NKPD1: variants seen among roughly 807,000 people sequenced by gnomAD.
The protein encoded by NKPD1 is NTPase KAP family P-loop domain containing 1.
In NKPD1, 37 loss-of-function variants were observed where a neutral mutation model predicts 42.2. The ratio of observed to expected loss-of-function variants is 0.88; its 90% CI spans 0.67 to 1.15. The LOEUF (loss-of-function observed/expected upper bound fraction) is 1.15. Among genes scored for constraint, NKPD1 ranks in the 50% most tolerant of loss-of-function variants. NKPD1 has a pLI of 0.00. For synonymous variants in NKPD1, 552 were observed against 536.5 expected, an observed-to-expected ratio of 1.03 and a Z score of -0.40; for missense variants, 1,113 against 1,174.6, an observed-to-expected ratio of 0.95 and a Z score of 0.77.
intron 3 of NKPD1, among the ~76,000 whole-genome samples, chr19:45,157,601 A>T (rs1968927301): frequency 6.6e-6 from 1 of 151,882 alleles, no homozygotes; most frequent in Admixed American, 6.6e-5. Context: ...TCTTTTGTAG[A>T]TACAGGGCAT....
chr19:45,152,170 A>G lies in NKPD1; in HGVS notation c.2267T>C (p.Leu756Pro). The G allele has an allele frequency of 1.3e-6, 2 of 1,596,332 alleles. No individual in the cohort carries two copies. The highest frequency in any genetic ancestry group is 1.7e-6 in the Non-Finnish European group (2 of 1,173,056). Residue 756 changes from leucine to proline, a missense_variant, in exon 5 of 5, where the codon CTC (leucine) becomes CCC (proline). This residue lies in a region of NKPD1 where 867 missense variants were observed against 870.1 expected (regional missense o/e 1.00). Transcript: ENST00000686631. Reference protein sequence around the residue: ...LDHSIRRRMGLIRAVSALKPP... With the variant: ...LDHSIRRRMGPIRAVSALKPP... The stretch of plus-strand genomic sequence containing the variant: ...CTTGAGCGCGCTGACGGCTCGGATG[A>G]GACCCATGCGCCGGCGGATGGAGTG...
At chr19:45,159,170 C>A in intron 2 of NKPD1, 70 bp from the exon 3 acceptor site, 2 of 1,223,556 alleles carry the variant, frequency 1.6e-6, no homozygotes, top group African/African-American at 1.6e-5. Context: ...ACAAGCCAGA[C>A]CAAGTCTTCA....
At chr19:45,157,279 G>T (rs1968920783) in intron 3 of NKPD1, among the ~76,000 whole-genome samples, 1 of 152,222 alleles carries the variant, frequency 6.6e-6, no homozygotes, top group South Asian at 2.1e-4. Context: ...GCTGGCCCGG[G>T]AACATGCCTC....
chr19:45,159,886 G>T (rs1371803535), intron 2 of NKPD1, among the ~76,000 whole-genome samples, 174 bp downstream of exon 2: 4 of 152,238 alleles, frequency 2.6e-5, no homozygotes, highest in Non-Finnish European at 4.4e-5. Context: ...GGGCCCGCAG[G>T]CCCTGTGGTC....
chr19:45,156,121 G>A (rs1431623367), intron 3 of NKPD1, among the ~76,000 whole-genome samples: 1 of 152,174 alleles, frequency 6.6e-6, no homozygotes, highest in African/African-American at 2.4e-5. Flanking sequence ...GTCCCACCAG[G>A]CTGAGGCTGG....
At chr19:45,159,968 G>A in intron 2 of NKPD1, 92 bp downstream of exon 2, 1 of 681,910 alleles carries the variant, frequency 1.5e-6, no homozygotes, top group Non-Finnish European at 2.2e-6. Flanking sequence ...TTTCTCTCCT[G>A]GGGATGACAG....
At chr19:45,160,766 TGTACCGC>T (rs1968990201) in intron 1 of NKPD1, among the ~76,000 whole-genome samples, 152 bp downstream of exon 1, 1 of 151,696 alleles carries the variant, frequency 6.6e-6, no homozygotes, top group Non-Finnish European at 1.5e-5. Context: ...GCAAGATGGG[TGTACCGC>T]GTTTCCAATG....
rs772274351 is a variant in NKPD1 at position 45,152,656 on chromosome 19, G to A, written c.1781C>T (p.Ala594Val). 1 of 1,547,532 alleles carries A rather than the reference G, an allele frequency of 6.5e-7. No homozygotes were observed. Among genetic ancestry groups the A allele is most frequent in the Non-Finnish European group, 8.7e-7 (1 of 1,155,292 alleles). Residue 594 changes from alanine to valine, a missense_variant, in exon 5 of 5, where the codon GCG (alanine) becomes GTG (valine). By Grantham distance (64) the Ala-to-Val change is moderately conservative. Around this residue, in one of 3 missense-constraint regions of NKPD1, gnomAD observed 867 missense variants for 870.1 expected, o/e 1.00. Transcript: ENST00000686631. ...GAAGAGCGCCTCCTGGATTCGCCGC[G>A]CCGCCTCGTCGTCGATGCGGCCCTG... Reference protein sequence around the residue: ...RGQGRIDDEAARRIQEALFCL... With the variant: ...RGQGRIDDEAVRRIQEALFCL...
Position 45,152,590 on chromosome 19 carries a change from G to A in NKPD1, c.1847C>T (p.Pro616Leu). The change falls in exon 5 of 5, where the codon CCC (proline) becomes CTC (leucine). Residue 616 changes from proline to leucine, a missense_variant. Physicochemically the swap from Pro to Leu is moderately conservative, Grantham distance 98 (BLOSUM62 -3). This residue lies in a region of NKPD1 where 867 missense variants were observed against 870.1 expected (regional missense o/e 1.00). Coordinates refer to ENST00000686631, the MANE Select transcript of NKPD1 (RefSeq NM_198478.4). ...DERDCLYEYV[P>L]DNVVSMRRIV... ...GCGCCGCATGGACACCACGTTGTCGGGCACGTACTCGTAGAGGCAGTCGCG... is the reference window on the plus strand; with the variant it reads ...GCGCCGCATGGACACCACGTTGTCGAGCACGTACTCGTAGAGGCAGTCGCG... 3.8e-6 allele frequency: 6 copies of A among 1,585,836 alleles called. No homozygotes were observed. The highest frequency in any genetic ancestry group is 4.3e-6 in the Non-Finnish European group (5 of 1,175,308).
At chr19:45,156,528 A>G (rs1003432154) in intron 3 of NKPD1, among the ~76,000 whole-genome samples, 12 of 152,194 alleles carry the variant, frequency 7.9e-5, no homozygotes, top group African/African-American at 2.9e-4. Flanking sequence ...TGAGAGGCTC[A>G]TTTCCCTCTG....
intron 4 of NKPD1, among the ~76,000 whole-genome samples, chr19:45,155,308 T>C (rs778122149): frequency 1.3e-5 from 2 of 151,340 alleles, no homozygotes; most frequent in Non-Finnish European, 2.9e-5. Flanking sequence ...CAGAGCAAGA[T>C]TCCGTCTCAA....
Position 45,158,975 on chromosome 19 carries a change from G to A in NKPD1, c.217C>T (p.Arg73Trp), listed in dbSNP as rs1358231793. The part of the protein sequence containing the change: ...SHQVGGSGWR[R>W]GLLPSVLQQQ... ...TGCAGGACGGAGGGCAGGAGGCCCC[G>A]GCGCCAGCCACTGCCACCCACTTGG... Residue 73 changes from arginine to tryptophan, a missense_variant, in exon 3 of 5, where the codon CGG becomes TGG. By Grantham distance (101) the Arg-to-Trp change is moderately radical (BLOSUM62 -3). Coordinates refer to ENST00000686631, the MANE Select transcript of NKPD1 (RefSeq NM_198478.4). The surrounding 1 kb of genome is among the most constrained non-coding windows in gnomAD (Gnocchi z 4.6). The A allele has an allele frequency of 1.8e-5, 23 of 1,300,472 alleles. No homozygotes were observed. The highest frequency in any genetic ancestry group is 2.4e-4 in the Middle Eastern group (1 of 4,216). The allele number at this position is 1,300,472 out of a possible 1,614,324, so 80.6% of individuals were successfully genotyped here.
Position 45,153,024 on chromosome 19 carries a change from G to A in NKPD1, c.1413C>T (p.Gly471=), listed in dbSNP as rs778834649. The A allele has an allele frequency of 2.5e-6, 4 of 1,584,070 alleles. No individual in the cohort carries two copies. Among genetic ancestry groups the A allele is most frequent in the Non-Finnish European group, 3.4e-6 (4 of 1,164,426 alleles). Residue 471 remains glycine (G), a synonymous_variant, in exon 5 of 5, where the codon GGC becomes GGT. Coordinates refer to ENST00000686631, the MANE Select transcript of NKPD1 (RefSeq NM_198478.4). Reference sequence around the variant, plus strand: ...GCAGCGTGTTGATGGCGTTGAGCACGCCCACCACGCGCTCCGGGTAGCACG... The same window carrying A: ...GCAGCGTGTTGATGGCGTTGAGCACACCCACCACGCGCTCCGGGTAGCACG... ...LDTCYPERVV[G]VLNAINTLLS...
rs1264790425 is a variant in NKPD1, at chr19:45,155,899, C to A, written c.547G>T (p.Asp183Tyr). The A allele has an allele frequency of 7.7e-7, 1 of 1,305,024 alleles. No homozygotes were observed. The highest frequency in any genetic ancestry group is 2.3e-5 in the Admixed American group (1 of 43,540). 80.8% of individuals were successfully genotyped at this position (1,305,024 alleles called of 1,614,324 possible). ...AYSSDILTED[D>Y]VYCSCLAKTL... ...TTGGCCAGGCAGCTGCAGTAGACGT[C>A]ATCCTCTGTCAGGATGTCTGGTGGT... The change falls in exon 4 of 5, where the codon GAC becomes TAC. Residue 183 changes from aspartate (D) to tyrosine (Y), a missense_variant. Asp to Tyr is a radical substitution (Grantham distance 160). Transcript: ENST00000686631.
Position 45,152,645 on chromosome 19 carries a change from G to T in NKPD1, c.1792C>A (p.Gln598Lys). 6.4e-7 allele frequency: 1 copy of T among 1,556,966 alleles called. No homozygotes were observed. Among genetic ancestry groups the T allele is most frequent in the Non-Finnish European group, 8.6e-7 (1 of 1,160,878 alleles). Residue 598 changes from glutamine (Q) to lysine (K), a missense_variant, in exon 5 of 5, where the codon CAG becomes AAG. Transcript: ENST00000686631. ...TCGTGAAGGCAGAAGAGCGCCTCCT[G>T]GATTCGCCGCGCCGCCTCGTCGTCG... ...RIDDEAARRI[Q>K]EALFCLHDER...
Position 45,150,642 on chromosome 19 carries a change from G to A in NKPD1, c.*1296C>T, listed in dbSNP as rs1317409053. The A allele has an allele frequency of 2.0e-5, 3 of 152,292 alleles. No homozygotes were observed. The highest frequency in any genetic ancestry group is 4.4e-5 in the Non-Finnish European group (3 of 68,102). 9.4% of individuals were successfully genotyped at this position (152,292 alleles called of 1,614,324 possible). Reference sequence around the variant, plus strand: ...TACCAGCTTAGTCAGTCCAGGAATGGGAAACAGCACCTCTGCTTGCCCAGC... The same window carrying A: ...TACCAGCTTAGTCAGTCCAGGAATGAGAAACAGCACCTCTGCTTGCCCAGC... On this transcript the variant is annotated 3_prime_UTR_variant, in exon 5 of 5. Coordinates refer to ENST00000686631, the MANE Select transcript of NKPD1 (RefSeq NM_198478.4).
chr19:45,151,752 G>T lies in NKPD1; in HGVS notation c.*186C>A. 1.8e-6 allele frequency: 1 copy of T among 555,414 alleles called. No homozygotes were observed. 34.4% of individuals were successfully genotyped at this position (555,414 alleles called of 1,614,324 possible). On this transcript the variant is annotated 3_prime_UTR_variant, in exon 5 of 5. Coordinates refer to ENST00000686631, the MANE Select transcript of NKPD1 (RefSeq NM_198478.4). ...CTGGTCCTTCTGTGCCTGCTCTCATGCTGGCACCGGCTTGTGGCCGCACTC... is the reference window on the plus strand; with the variant it reads ...CTGGTCCTTCTGTGCCTGCTCTCATTCTGGCACCGGCTTGTGGCCGCACTC...
Position 45,153,734 on chromosome 19 carries a change from G to C in NKPD1, c.703C>G (p.Leu235Val), listed in dbSNP as rs564656039. ...CGCGGCCGCCACTGCACGTGCTGCA[G>C]CTCCTCGCTCTCGCGCTGCGCGGCC... ...QEAAQRESEELQHVQWRPRAV... is the reference protein window; with the variant it reads ...QEAAQRESEEVQHVQWRPRAV... The change falls in exon 5 of 5, where the codon CTG becomes GTG. Residue 235 changes from leucine to valine, a missense_variant. Leu to Val is a conservative substitution (Grantham distance 32, BLOSUM62 1). This residue lies in a region of NKPD1 where 867 missense variants were observed against 870.1 expected (regional missense o/e 1.00). Coordinates refer to ENST00000686631, the MANE Select transcript of NKPD1 (RefSeq NM_198478.4). 2.4e-5 allele frequency: 37 copies of C among 1,515,208 alleles called. No homozygotes were observed. In the South Asian group the frequency reaches 3.5e-4, roughly 14 times the overall value. 93.9% of individuals were successfully genotyped at this position (1,515,208 alleles called of 1,614,324 possible). A position where few individuals can be genotyped will look rare whatever the true frequency, so the allele number is the denominator to read the frequency against.
Position 45,152,127 on chromosome 19 carries a change from C to T in NKPD1, c.2310G>A (p.Lys770=). The stretch of plus-strand genomic sequence containing the variant: ...CGTGGGGGGTATCGCGGGTAGGGGA[C>T]TTGGGCGGGCTGGGCGGCTTGAGCG... ...VSALKPPSPP[K]SPTRDTPHAA... is the part of the protein sequence containing the mutation. Residue 770 remains lysine (K), a synonymous_variant, in exon 5 of 5, where the codon AAG becomes AAA. Coordinates refer to ENST00000686631, the MANE Select transcript of NKPD1 (RefSeq NM_198478.4). 1 of 1,602,754 alleles carries T rather than the reference C, an allele frequency of 6.2e-7. No homozygotes were observed. The highest frequency in any genetic ancestry group is 8.5e-7 in the Non-Finnish European group (1 of 1,175,658).
Sources: allele counts gnomAD v4.1 joint callset (sites outside exome capture counted in the v4.1 genomes callset), GRCh38; gene constraint gnomAD v4.1.1; regional missense constraint gnomAD v4.1.1; non-coding constraint Gnocchi (gnomAD v3.1); transcripts MANE v1.5; gene names NCBI Gene and HGNC (gene_info 2026-07-23, HGNC 2026-07-21).